Variants in PCDH11X observed in about 807,000 individuals in gnomAD.
PCDH11X encodes the protein protocadherin-11 X-linked.
Under a neutral mutation model 53.3 loss-of-function variants are expected in PCDH11X, and 18 were observed. The ratio of observed to expected loss-of-function variants is 0.34; its 90% confidence interval spans 0.23 to 0.50. The LOEUF is 0.50. Ranked by LOEUF, PCDH11X falls within the 20% of genes least tolerant of loss-of-function variation. The probability of loss-of-function intolerance (pLI) is 0.98; values close to 1 mark genes in which losing one functional copy is unlikely to be tolerated. For missense variants in PCDH11X, 570 were observed against 1,032.4 expected, an observed-to-expected ratio of 0.55 and a Z score of 6.14; for synonymous variants, 279 against 393.3, an observed-to-expected ratio of 0.71 and a Z score of 3.44.
chrX:92,460,849 A>G, intron 9 of PCDH11X: 1 of 1,023,962 alleles, frequency 9.8e-7, no homozygotes, highest in Non-Finnish European at 1.4e-6. Flanking sequence ...GATGCCTTGG[A>G]CAGCAGGAAC....
intron 6 of PCDH11X, among the ~76,000 whole-genome samples, chrX:91,915,733 AC>A (rs776760581): frequency 1.3e-4 from 15 of 111,688 alleles, no homozygotes; most frequent in Non-Finnish European, 2.8e-4. Context: ...ATAGATGGCT[AC>A]ATAATAATAG....
intron 7 of PCDH11X, among the ~76,000 whole-genome samples, chrX:92,256,814 T>G (rs1408695311): frequency 9.0e-6 from 1 of 111,179 alleles, no homozygotes; most frequent in Non-Finnish European, 1.9e-5. Flanking sequence ...ATGTGGTATT[T>G]GGTTTTCTGC....
intron 8 of PCDH11X, among the ~76,000 whole-genome samples, chrX:92,315,583 C>T (rs2069056993): frequency 9.0e-6 from 1 of 111,373 alleles, no homozygotes; most frequent in South Asian, 3.8e-4. Flanking sequence ...TTCACCCAAG[C>T]TGGAGTGCAG....
intron 10 of PCDH11X, among the ~76,000 whole-genome samples, chrX:92,545,587 G>T (rs2074839759): frequency 9.2e-6 from 1 of 108,986 alleles, no homozygotes; most frequent in Non-Finnish European, 1.9e-5. Context: ...TTTCTGTAGG[G>T]ACAGGGTTTC....
At chrX:92,406,285 A>T (rs1330067166) in intron 9 of PCDH11X, among the ~76,000 whole-genome samples, 1 of 108,781 alleles carries the variant, frequency 9.2e-6, no homozygotes, top group Non-Finnish European at 1.9e-5. Context: ...CATTAAAAAG[A>T]ATAGATATAT....
At chrX:92,130,917 C>A (rs1412752059) in intron 6 of PCDH11X, among the ~76,000 whole-genome samples, 2 of 108,940 alleles carry the variant, frequency 1.8e-5, no homozygotes, top group Non-Finnish European at 3.8e-5. Flanking sequence ...ATTTTTTGCA[C>A]AGATACCCTA....
chrX:92,419,926 C>T (rs978807892), intron 9 of PCDH11X, among the ~76,000 whole-genome samples: 5 of 110,230 alleles, frequency 4.5e-5, no homozygotes, highest in African/African-American at 1.3e-4. Flanking sequence ...GTGATCCACC[C>T]GCCTCAGCTT....
chrX:92,079,371 C>T (rs1285010793), intron 6 of PCDH11X, among the ~76,000 whole-genome samples: 1 of 111,492 alleles, frequency 9.0e-6, no homozygotes, highest in Non-Finnish European at 1.9e-5. Context: ...TCCAGCTGAG[C>T]TCCAGCAAGG....
intron 7 of PCDH11X, among the ~76,000 whole-genome samples, chrX:92,239,095 T>G (rs2067219880): frequency 8.9e-6 from 1 of 111,756 alleles, no homozygotes; most frequent in South Asian, 3.7e-4. Flanking sequence ...CTTAAATTTA[T>G]TTTGAATGTA....
At chrX:92,214,247 C>T (rs2066644447) in intron 7 of PCDH11X, among the ~76,000 whole-genome samples, 1 of 111,809 alleles carries the variant, frequency 8.9e-6, no homozygotes, top group African/African-American at 3.3e-5. Context: ...GCCAGTAGGG[C>T]ACATTCAAAT....
chrX:92,609,809 C>A (rs1480881219), intron 10 of PCDH11X, among the ~76,000 whole-genome samples: 4 of 110,580 alleles, frequency 3.6e-5, no homozygotes, highest in African/African-American at 1.3e-4. Flanking sequence ...TCCATGAGTA[C>A]CCAATGTTTA....
At chrX:91,988,195 T>C (rs931834519) in intron 6 of PCDH11X, among the ~76,000 whole-genome samples, 1 of 110,579 alleles carries the variant, frequency 9.0e-6, no homozygotes, top group Non-Finnish European at 1.9e-5. Context: ...TTCCCTTTCC[T>C]CTCTTTTCTC....
intron 8 of PCDH11X, among the ~76,000 whole-genome samples, chrX:92,310,457 C>G (rs947368247): frequency 2.7e-5 from 3 of 111,025 alleles, no homozygotes; most frequent in Non-Finnish European, 5.7e-5. Context: ...TGCCCAGGCT[C>G]GACTCACTGC....
At chrX:92,445,528 G>A (rs1322698648) in intron 9 of PCDH11X, among the ~76,000 whole-genome samples, 5 of 107,988 alleles carry the variant, frequency 4.6e-5, no homozygotes, top group African/African-American at 1.7e-4. Context: ...ATTATGAGGG[G>A]TTAAAAAACT....
intron 10 of PCDH11X, among the ~76,000 whole-genome samples, chrX:92,482,667 T>G (rs1229233417): frequency 9.0e-6 from 1 of 110,561 alleles, no homozygotes; most frequent in Non-Finnish European, 1.9e-5. Flanking sequence ...TTAACTTGCA[T>G]TTTTTTAGCA....
intron 6 of PCDH11X, among the ~76,000 whole-genome samples, chrX:92,165,387 C>T (rs1159690083): frequency 8.9e-6 from 1 of 111,887 alleles, no homozygotes; most frequent in Non-Finnish European, 1.9e-5. Flanking sequence ...GCAGTCTCTG[C>T]AAAACTCTTA....
At chrX:92,449,405 G>A (rs889397450) in intron 9 of PCDH11X, among the ~76,000 whole-genome samples, 1 of 111,593 alleles carries the variant, frequency 9.0e-6, no homozygotes, top group African/African-American at 3.3e-5. Flanking sequence ...AACAGTGGAA[G>A]ACCAAGAAAC....
At chrX:91,805,964 T>C (rs1936091026) in intron 1 of PCDH11X, among the ~76,000 whole-genome samples, 1 of 111,495 alleles carries the variant, frequency 9.0e-6, no homozygotes, top group East Asian at 2.8e-4. Context: ...ACTTTTTTCT[T>C]AAATAATCTA....
chrX:92,496,577 A>G (rs2073863650), intron 10 of PCDH11X, among the ~76,000 whole-genome samples: 1 of 102,145 alleles, frequency 9.8e-6, no homozygotes, highest in Non-Finnish European at 2.0e-5. Flanking sequence ...CTACTATTAA[A>G]TATGCCCACA....
Sources: allele counts gnomAD v4.1 joint callset (sites outside exome capture counted in the v4.1 genomes callset), GRCh38; gene constraint gnomAD v4.1.1; transcripts MANE v1.5; gene names NCBI Gene and HGNC (gene_info 2026-07-23, HGNC 2026-07-21).